RASAL2: variants seen among roughly 807,000 people sequenced by gnomAD.
RASAL2 encodes RAS protein activator like 2.
RASAL2 carries 58 observed loss-of-function variants against 128.9 expected under a neutral mutation model. The ratio of observed to expected loss-of-function variants is 0.45; its 90% CI spans 0.36 to 0.56. The LOEUF is 0.56. RASAL2 is among the 20% of genes least tolerant of loss of function. RASAL2 has a pLI of 0.00. For missense variants in RASAL2, 1,360 were observed against 1,601.6 expected, an observed-to-expected ratio of 0.85 and a Z score of 2.57; for synonymous variants, 561 against 580.8, an observed-to-expected ratio of 0.97 and a Z score of 0.49.
intron 4 of RASAL2, among the ~76,000 whole-genome samples, chr1:178,398,287 T>C (rs1380765090): frequency 1.3e-5 from 2 of 152,170 alleles, no homozygotes; most frequent in Non-Finnish European, 2.9e-5. Flanking sequence ...TTTACAGTAG[T>C]GTCCTATATG....
intron 2 of RASAL2, among the ~76,000 whole-genome samples, chr1:178,290,694 G>A (rs971548547): frequency 6.6e-6 from 1 of 151,656 alleles, no homozygotes; most frequent in Non-Finnish European, 1.5e-5. Context: ...TTTTGTTTTT[G>A]AGATGGAGTC....
chr1:178,131,375 CTTTTTT>C (rs71108028), intron 1 of RASAL2, among the ~76,000 whole-genome samples: 10 of 82,606 alleles, frequency 1.2e-4, no homozygotes, highest in Non-Finnish European at 2.0e-4. Context: ...CCTGGATAAT[CTTTTTT>C]TTTTTTTTTT....
intron 3 of RASAL2, among the ~76,000 whole-genome samples, chr1:178,306,616 T>A (rs926524366): frequency 3.7e-4 from 57 of 152,090 alleles, no homozygotes; most frequent in African/African-American, 1.2e-3. Flanking sequence ...GGTATCTCAT[T>A]GTGGTTTTGA....
At chr1:178,296,391 ACT>A (rs1667508846) in intron 2 of RASAL2, among the ~76,000 whole-genome samples, 1 of 151,952 alleles carries the variant, frequency 6.6e-6, no homozygotes, top group Non-Finnish European at 1.5e-5. Context: ...ACAGGGTCTC[ACT>A]CTGTCACCCA....
intron 1 of RASAL2, among the ~76,000 whole-genome samples, chr1:178,197,087 A>G (rs1662681845): frequency 6.6e-6 from 1 of 152,142 alleles, no homozygotes; most frequent in African/African-American, 2.4e-5. Context: ...GCCGAGGTGG[A>G]CAGATCACTT....
At chr1:178,442,028 G>T (rs1048775198) in intron 7 of RASAL2, among the ~76,000 whole-genome samples, 1 of 151,994 alleles carries the variant, frequency 6.6e-6, no homozygotes, top group Non-Finnish European at 1.5e-5. Flanking sequence ...TGACTTGGGG[G>T]GAAGGTGCCA....
chr1:178,331,829 C>A (rs183786494), intron 3 of RASAL2, among the ~76,000 whole-genome samples: 56 of 152,008 alleles, frequency 3.7e-4, no homozygotes, highest in African/African-American at 1.2e-3. Context: ...CCTCATGATC[C>A]GCCTGCCTCG....
At chr1:178,162,217 G>A (rs551402136) in intron 1 of RASAL2, among the ~76,000 whole-genome samples, 49 of 145,260 alleles carry the variant, frequency 3.4e-4, no homozygotes, top group African/African-American at 1.1e-3. Context: ...TGCCCGCGTC[G>A]GCCTCCCAGA....
intron 1 of RASAL2, among the ~76,000 whole-genome samples, chr1:178,197,358 G>A (rs1184895737): frequency 6.6e-6 from 1 of 152,102 alleles, no homozygotes; most frequent in Non-Finnish European, 1.5e-5. Context: ...CAGGAGATGG[G>A]CAGGAGAATT....
intron 3 of RASAL2, chr1:178,372,159 A>G (rs938327952): frequency 2.0e-6 from 2 of 985,196 alleles, no homozygotes; most frequent in Non-Finnish European, 2.4e-6. Context: ...TGGACCCCCA[A>G]GAATTTAGTC....
intron 1 of RASAL2, among the ~76,000 whole-genome samples, chr1:178,117,288 AG>A (rs1659553799): frequency 6.6e-6 from 1 of 152,226 alleles, no homozygotes; most frequent in African/African-American, 2.4e-5. Context: ...CATCTCAATC[AG>A]GTGCAGTTTC....
intron 3 of RASAL2, among the ~76,000 whole-genome samples, chr1:178,375,108 T>C (rs756543302): frequency 7.2e-5 from 11 of 152,154 alleles, no homozygotes; most frequent in Non-Finnish European, 1.5e-4. Flanking sequence ...GAAGAGACAT[T>C]TAAAAACATT....
intron 1 of RASAL2, among the ~76,000 whole-genome samples, chr1:178,226,401 A>G (rs569158925): frequency 6.6e-6 from 1 of 152,304 alleles, no homozygotes; most frequent in South Asian, 2.1e-4. Context: ...AGCTGAATTT[A>G]CTAAGGATAA....
At chr1:178,106,853 G>T (rs939572503) in intron 1 of RASAL2, among the ~76,000 whole-genome samples, 9 of 152,114 alleles carry the variant, frequency 5.9e-5, no homozygotes, top group Non-Finnish European at 2.9e-5. Context: ...TGTAGTTTTG[G>T]TCTATACTGA....
chr1:178,184,630 A>G (rs776993787), intron 1 of RASAL2, among the ~76,000 whole-genome samples: 11 of 152,202 alleles, frequency 7.2e-5, no homozygotes, highest in Non-Finnish European at 1.6e-4. Flanking sequence ...CCAGTTAACT[A>G]TATAAATGTG....
At chr1:178,138,364 T>C (rs532413621) in intron 1 of RASAL2, among the ~76,000 whole-genome samples, 1 of 152,318 alleles carries the variant, frequency 6.6e-6, no homozygotes, top group East Asian at 1.9e-4. Context: ...ATGGATATTC[T>C]TTTATACCAC....
intron 11 of RASAL2, among the ~76,000 whole-genome samples, chr1:178,452,901 T>C (rs1050669390): frequency 6.6e-6 from 1 of 151,960 alleles, no homozygotes; most frequent in Non-Finnish European, 1.5e-5. Context: ...TCTAATAATA[T>C]AGAGCATGAA....
At chr1:178,390,249 T>C in intron 4 of RASAL2, 43 bp downstream of exon 4, 1 of 1,427,716 alleles carries the variant, frequency 7.0e-7, no homozygotes, top group Non-Finnish European at 9.8e-7. Flanking sequence ...ACTTTTCCTT[T>C]TCTCCTTTCT....
intron 1 of RASAL2, among the ~76,000 whole-genome samples, chr1:178,165,081 T>G (rs200169231): frequency 2.0e-5 from 3 of 152,216 alleles, no homozygotes; most frequent in East Asian, 3.9e-4. Context: ...ATGCTAATAC[T>G]TCACCATTTT....
Sources: gnomAD v4.1 joint callset for allele counts (sites outside exome capture counted in the v4.1 genomes callset) on GRCh38, gnomAD v4.1.1 for gene constraint, MANE v1.5 for transcripts, NCBI Gene and HGNC (gene_info 2026-07-23, HGNC 2026-07-21) for gene names.